Variants in ADGRG7 observed in about 807,000 individuals in gnomAD.
The protein encoded by ADGRG7 is G-protein coupled receptor 128.
ADGRG7 carries 82 observed loss-of-function variants against 88.6 expected under a neutral mutation model. The observed-to-expected ratio is 0.93, with a 90% confidence interval of 0.77 to 1.11. The LOEUF is 1.11. Ranked by LOEUF, ADGRG7 falls within the 50% of genes most tolerant of loss-of-function variation. The pLI, the probability that ADGRG7 is intolerant of heterozygous loss-of-function variation, is 0.00. For missense variants in ADGRG7, 945 were observed against 953.4 expected (o/e 0.99, Z 0.12); for synonymous variants, 381 against 345.2 (o/e 1.10, Z -1.15).
At chr3:100,636,066 T>G (rs1052604472) in intron 5 of ADGRG7, among the ~76,000 whole-genome samples, 1 of 152,228 alleles carries the variant, frequency 6.6e-6, no homozygotes, top group Non-Finnish European at 1.5e-5. Flanking sequence ...TGTTGTCTTT[T>G]TCTTTTGAGA....
chr3:100,682,914 C>G (rs1242247422), intron 15 of ADGRG7, among the ~76,000 whole-genome samples: 1 of 152,164 alleles, frequency 6.6e-6, no homozygotes, highest in Non-Finnish European at 1.5e-5. Context: ...GAAGACCCCC[C>G]TGCCTGGGTG....
chr3:100,646,638 G>C lies in ADGRG7; in HGVS notation c.1180G>C (p.Asp394His). The change falls in exon 10 of 16, where the codon GAC becomes CAC. Residue 394 changes from aspartate (D) to histidine (H), a missense_variant. By Grantham distance (81) the Asp-to-His change is moderately conservative. Transcript: ENST00000273352. The stretch of plus-strand genomic sequence containing the variant: ...TTGGAATTTGTCAGCGAAGGACTGG[G>C]ACACATATGGCTGTCAAAAAGACAA... ...VYWNLSAKDW[D>H]TYGCQKDKGT... is the part of the protein sequence containing the mutation. 1.2e-6 allele frequency: 2 copies of C among 1,614,038 alleles called. No individual in the cohort carries two copies. The highest frequency in any genetic ancestry group is 8.5e-7 in the Non-Finnish European group (1 of 1,179,922).
At chr3:100,627,104 G>T (rs932577346) in intron 1 of ADGRG7, among the ~76,000 whole-genome samples, 1 of 152,132 alleles carries the variant, frequency 6.6e-6, no homozygotes, top group African/African-American at 2.4e-5. Context: ...TCAGCACCAT[G>T]TTGAATCGAA....
intron 15 of ADGRG7, among the ~76,000 whole-genome samples, chr3:100,691,329 C>T (rs1056681958): frequency 3.3e-5 from 5 of 152,156 alleles, no homozygotes; most frequent in South Asian, 4.1e-4. Flanking sequence ...GGCAATGCCT[C>T]GCCCTGCTTC....
In ADGRG7 at chr3:100,695,023, G is replaced by T; in HGVS notation, c.*22G>T. 6.2e-7 allele frequency: 1 copy of T among 1,600,352 alleles called. No homozygotes were observed. Among genetic ancestry groups the T allele is most frequent in the South Asian group, 1.1e-5 (1 of 89,394 alleles). The stretch of plus-strand genomic sequence containing the variant: ...CTAGACAGTAAAACTTACCTGTTGT[G>T]GTCTTTTTAATCACCTCGTTTGAGT... On this transcript the variant is annotated 3_prime_UTR_variant, in exon 16 of 16. Transcript: ENST00000273352.
Position 100,659,834 on chromosome 3 carries a change from A to G in ADGRG7, c.1970A>G (p.Asn657Ser), listed in dbSNP as rs1207013419. 1.2e-6 allele frequency: 2 copies of G among 1,613,504 alleles called. No homozygotes were observed. Among genetic ancestry groups the G allele is most frequent in the South Asian group, 1.1e-5 (1 of 90,916 alleles). ...SIKVLWKNNQ[N>S]LTSTKKVSSM... Reference sequence around the variant, plus strand: ...AAAGTGCTGTGGAAGAATAACCAGAACCTGACAAGGTAAGATTCCCAATGA... The same window carrying G: ...AAAGTGCTGTGGAAGAATAACCAGAGCCTGACAAGGTAAGATTCCCAATGA... Residue 657 changes from asparagine to serine, a missense_variant, in exon 14 of 16, where the codon AAC (asparagine) becomes AGC (serine). Transcript: ENST00000273352.
At position 100,646,077 on chromosome 3, in the gene ADGRG7, G is replaced by A; in HGVS notation, c.1079G>A (p.Ser360Asn). 6.2e-7 allele frequency: 1 copy of A among 1,613,990 alleles called. No homozygotes were observed. The highest frequency in any genetic ancestry group is 8.5e-7 in the Non-Finnish European group (1 of 1,179,980). Residue 360 changes from serine to asparagine, a missense_variant, in exon 9 of 16, where the codon AGT (serine) becomes AAT (asparagine). By Grantham distance (46) the Ser-to-Asn change is conservative. Coordinates refer to ENST00000273352, the MANE Select transcript of ADGRG7 (RefSeq NM_032787.3). ...SKTDENEQDQ[S>N]ASVDMVFSPK... is the part of the protein sequence containing the mutation. ...ACTGATGAAAATGAGCAAGATCAGA[G>A]TGCTTCTGTTGACATGGTCTTTAGT... is the stretch of plus-strand genomic sequence containing the variant.
At position 100,694,856 on chromosome 3, in the gene ADGRG7, T is replaced by TA; in HGVS notation, c.2249_2250insA (p.Thr751AspfsTer11). ...GGGAGAAGGAAGTCATTGCCTTCAG[T>TA]GACGCGGCCGAGGCTGCGTGTAAAG... On this transcript the variant is annotated frameshift_variant, in exon 16 of 16. Coordinates refer to ENST00000273352, the MANE Select transcript of ADGRG7 (RefSeq NM_032787.3). LOFTEE classifies it high-confidence loss of function. 1 of 1,614,214 alleles carries TA rather than the reference T, an allele frequency of 6.2e-7. No homozygotes were observed. Among genetic ancestry groups the TA allele is most frequent in the South Asian group, 1.1e-5 (1 of 91,084 alleles).
At chr3:100,688,967 G>C (rs2149043649) in intron 15 of ADGRG7, among the ~76,000 whole-genome samples, 2 of 152,272 alleles carry the variant, frequency 1.3e-5, no homozygotes, top group East Asian at 3.9e-4. Flanking sequence ...ATCTAATGTT[G>C]ACAGTGGGGT....
intron 3 of ADGRG7, 52 bp from the exon 4 acceptor site, chr3:100,633,213 C>T (rs1484058833): frequency 4.7e-6 from 4 of 844,932 alleles, no homozygotes; most frequent in Middle Eastern, 3.9e-4. Flanking sequence ...AAATAATAGG[C>T]AATAATTTTA....
At chr3:100,610,651 G>A (rs1707134089) in intron 1 of ADGRG7, among the ~76,000 whole-genome samples, 1 of 152,204 alleles carries the variant, frequency 6.6e-6, no homozygotes, top group Admixed American at 6.5e-5. Flanking sequence ...AAGCCCGCTG[G>A]AACTCAGAAC....
In ADGRG7 at chr3:100,684,187, C is replaced by G. The variant is rs72915299; in HGVS notation, c.2137-10557C>G. 4.9e-3 allele frequency among the ~76,000 whole-genome samples: 737 copies of G among 151,836 alleles called. 6 individuals carry two copies. Among genetic ancestry groups the G allele is most frequent in the African/African-American group, 0.017 (704 of 41,472 alleles). On this transcript the variant is annotated intron_variant, in intron 15 of 15. Coordinates refer to ENST00000273352, the MANE Select transcript of ADGRG7 (RefSeq NM_032787.3). ...AGTTTTCTCATCACTTTGGTTTTAA[C>G]TTATCTCTTTTTAGACCCTGCATAT...
rs199749116 is a variant in ADGRG7, at chr3:100,630,721, T to C, written c.246T>C (p.Asn82=). The C allele has an allele frequency of 1.1e-5, 15 of 1,417,804 alleles. No homozygotes were observed. The African/African-American group carries it at 1.9e-4, about 18-fold the overall frequency. The allele number at this position is 1,417,804 out of a possible 1,614,324, so 87.8% of individuals were successfully genotyped here. Residue 82 remains asparagine (N), a synonymous_variant, in exon 3 of 16, where the codon AAT becomes AAC. Transcript: ENST00000273352. Reference sequence around the variant, plus strand: ...TTATTACAGCTAATTTTTGTGAAAATAGTACCTATATGGGTTTTACTTTTG... The same window carrying C: ...TTATTACAGCTAATTTTTGTGAAAACAGTACCTATATGGGTTTTACTTTTG... ...LRCTIANFCE[N]STYMGFTFAR... is the part of the protein sequence containing the mutation.
intron 1 of ADGRG7, among the ~76,000 whole-genome samples, chr3:100,623,612 C>T (rs115416542): frequency 6.6e-6 from 1 of 152,068 alleles, no homozygotes; most frequent in Non-Finnish European, 1.5e-5. Flanking sequence ...TATACGTGTG[C>T]GCTGGTGGTT....
At chr3:100,637,473 C>A in intron 6 of ADGRG7, 71 bp downstream of exon 6, 2 of 986,624 alleles carry the variant, frequency 2.0e-6, no homozygotes, top group East Asian at 2.4e-5. Flanking sequence ...AAAGTATTAA[C>A]AGAGATATCT....
At chr3:100,655,536 CA>C (rs533705097) in intron 12 of ADGRG7, among the ~76,000 whole-genome samples, 53 of 152,190 alleles carry the variant, frequency 3.5e-4, no homozygotes, top group Non-Finnish European at 7.1e-4. Context: ...ACTCTTTAAG[CA>C]AAAATATTTG....
rs1408803402 is a variant in ADGRG7, at chr3:100,646,127, A to T, written c.1110+19A>T. 1 of 1,585,154 alleles carries T rather than the reference A, an allele frequency of 6.3e-7. No individual in the cohort carries two copies. Among genetic ancestry groups the T allele is most frequent in the Admixed American group, 1.7e-5 (1 of 57,946 alleles). ...TCCAAAGGTGAGTTTTTCATTGCAG[A>T]TGCAAGAAAAAAGTGTCCTCATGCT... is the stretch of plus-strand genomic sequence containing the variant. On this transcript the variant is annotated intron_variant, in intron 9 of 15. Transcript: ENST00000273352.
chr3:100,674,040 C>CT (rs2094961877), intron 15 of ADGRG7, among the ~76,000 whole-genome samples: 1 of 152,156 alleles, frequency 6.6e-6, no homozygotes, highest in African/African-American at 2.4e-5. Context: ...TAAATTTCCC[C>CT]TAAACACTGC....
At chr3:100,628,997 A>C (rs932815488) in intron 1 of ADGRG7, among the ~76,000 whole-genome samples, 1 of 152,126 alleles carries the variant, frequency 6.6e-6, no homozygotes. Flanking sequence ...CTTCCAATTG[A>C]ATCTATGTCC....
Sources: gnomAD v4.1 joint callset for allele counts (sites outside exome capture counted in the v4.1 genomes callset) on GRCh38, gnomAD v4.1.1 for gene constraint, MANE v1.5 for transcripts, NCBI Gene and HGNC (gene_info 2026-07-23, HGNC 2026-07-21) for gene names.